Variants in SUPT16H observed in about 807,000 individuals in gnomAD.
SUPT16H encodes SPT16 homolog, facilitates chromatin remodeling subunit, also known as FACT complex subunit SPT16.
SUPT16H carries 24 observed loss-of-function variants against 136.2 expected under a neutral mutation model. The ratio of observed to expected loss-of-function variants is 0.18; its 90% CI spans 0.13 to 0.25. SUPT16H has a LOEUF of 0.25. SUPT16H is among the 10% of genes least tolerant of loss of function. The pLI is 1.00. For missense variants in SUPT16H, 623 were observed against 1,270.2 expected, an observed-to-expected ratio of 0.49 and a Z score of 7.74; for synonymous variants, 415 against 428.2, an observed-to-expected ratio of 0.97 and a Z score of 0.38.
intron 8 of SUPT16H, 64 bp from the exon 9 acceptor site, chr14:21,365,207 A>C: frequency 7.0e-7 from 1 of 1,436,756 alleles, no homozygotes; most frequent in Non-Finnish European, 9.7e-7. Flanking sequence ...CAAGCATAAC[A>C]TATTCATTTC....
chr14:21,353,081 T>C (rs1478103857), intron 25 of SUPT16H, among the ~76,000 whole-genome samples: 1 of 152,190 alleles, frequency 6.6e-6, no homozygotes, highest in Non-Finnish European at 1.5e-5. Flanking sequence ...AAAACGTTTG[T>C]TTGGGGTTTG....
At chr14:21,372,215 T>A in intron 2 of SUPT16H, 171 bp from the exon 3 acceptor site, 1 of 649,940 alleles carries the variant, frequency 1.5e-6, no homozygotes, top group Non-Finnish European at 2.5e-6. Flanking sequence ...CGGCCAAGAG[T>A]CGACAATTTA....
At chr14:21,375,498 G>A (rs1475936246) in intron 1 of SUPT16H, among the ~76,000 whole-genome samples, 1 of 59,612 alleles carries the variant, frequency 1.7e-5, no homozygotes, top group Non-Finnish European at 3.7e-5. Context: ...AGGATCTGCA[G>A]ACATTTTCTC....
At chr14:21,355,385 T>C (rs1346416274) in intron 22 of SUPT16H, among the ~76,000 whole-genome samples, 3 of 151,680 alleles carry the variant, frequency 2.0e-5, no homozygotes, top group Admixed American at 6.6e-5. Context: ...CCCAGCTACT[T>C]GGGAGGCTGA....
intron 7 of SUPT16H, 57 bp from the exon 8 acceptor site, chr14:21,366,586 ACATT>A: frequency 6.5e-7 from 1 of 1,534,840 alleles, no homozygotes; most frequent in Non-Finnish European, 8.9e-7. Context: ...AAACTCAGTA[ACATT>A]TTAAAATCAA....
intron 16 of SUPT16H, 22 bp from the exon 17 acceptor site, chr14:21,360,994 G>A (rs767339632): frequency 1.2e-6 from 2 of 1,612,036 alleles, no homozygotes; most frequent in African/African-American, 1.3e-5. Flanking sequence ...GAAAATTAAT[G>A]TGAATTGTCA....
intron 5 of SUPT16H, 56 bp downstream of exon 5, chr14:21,369,694 G>A: frequency 6.2e-7 from 1 of 1,600,476 alleles, no homozygotes; most frequent in Non-Finnish European, 8.5e-7. Flanking sequence ...GATTTGCATG[G>A]TAGACTTATT....
At chr14:21,373,550 C>T (rs1886834057) in intron 1 of SUPT16H, 120 bp from the exon 2 acceptor site, 2 of 782,030 alleles carry the variant, frequency 2.6e-6, no homozygotes, top group South Asian at 1.5e-5. Context: ...GTTTAAGGTA[C>T]ATGCCTGTTT....
chr14:21,362,013 A>T (rs534280949), intron 15 of SUPT16H, among the ~76,000 whole-genome samples, 184 bp downstream of exon 15: 57 of 152,342 alleles, frequency 3.7e-4, no homozygotes, highest in Non-Finnish European at 7.1e-4. Flanking sequence ...ATCTTCAAGA[A>T]GATTCTAAAT....
Position 21,361,109 on chromosome 14 carries a change from T to G in SUPT16H, c.1898A>C (p.Lys633Thr). Residue 633 changes from lysine to threonine, a missense_variant, in exon 16 of 26, where the codon AAA becomes ACA. Coordinates refer to ENST00000216297, the MANE Select transcript of SUPT16H (RefSeq NM_007192.4). ...CTCTTTCTCTTCAGCTTCTCGAGTT[T>G]TATAACGTTTCTGTACTTCTTTAAT... ...RIIKEVQKRY[K>T]TREAEEKEKE... The G allele has an allele frequency of 1.2e-6, 2 of 1,614,136 alleles. No individual in the cohort carries two copies. Among genetic ancestry groups the G allele is most frequent in the Non-Finnish European group, 1.7e-6 (2 of 1,180,034 alleles).
At chr14:21,369,695 T>C (rs1314600044) in intron 5 of SUPT16H, 55 bp downstream of exon 5, 2 of 1,601,730 alleles carry the variant, frequency 1.2e-6, no homozygotes, top group Non-Finnish European at 1.7e-6. Context: ...ATTTGCATGG[T>C]AGACTTATTA....
chr14:21,381,028 G>A (rs1887011342), intron 1 of SUPT16H, among the ~76,000 whole-genome samples: 1 of 151,864 alleles, frequency 6.6e-6, no homozygotes, highest in African/African-American at 2.4e-5. Flanking sequence ...CAGAGAAGGT[G>A]CTGCAAATCC....
In SUPT16H at chr14:21,354,441, A is replaced by C. The variant is rs763047483; in HGVS notation, c.2760T>G (p.Gly920=). The change falls in exon 23 of 26, where the codon GGT becomes GGG. Residue 920 remains glycine, a synonymous_variant. Coordinates refer to ENST00000216297, the MANE Select transcript of SUPT16H (RefSeq NM_007192.4). Reference sequence around the variant, plus strand: ...CCTCAGGCTCCAGGAAAGACCAGCCACCTTGTTCGAAGAAGCCCTCAGGGT... The same window carrying C: ...CCTCAGGCTCCAGGAAAGACCAGCCCCCTTGTTCGAAGAAGCCCTCAGGGT... ...VDDPEGFFEQ[G]GWSFLEPEGE... is the part of the protein sequence containing the mutation. 3 of 1,614,134 alleles carry C rather than the reference A, an allele frequency of 1.9e-6. No individual in the cohort carries two copies. Among genetic ancestry groups the C allele is most frequent in the Non-Finnish European group, 2.5e-6 (3 of 1,180,000 alleles).
rs117000943 is a variant in SUPT16H, at chr14:21,379,748, G to C, written c.66+4114C>G. Among the ~76,000 whole-genome samples the C allele has an allele frequency of 4.1e-4, 63 of 152,214 alleles. No individual in the cohort carries two copies. The East Asian group carries it at 8.7e-3, about 21-fold the overall frequency. On this transcript the variant is annotated intron_variant, in intron 1 of 25. Transcript: ENST00000216297. ...TAATAATAAAAATTGGTCAAGTGTT[G>C]TGGCATGCACCTGTGGTCCTAGCTA...
chr14:21,358,628 T>C (rs1198489669), intron 19 of SUPT16H, among the ~76,000 whole-genome samples: 1 of 152,220 alleles, frequency 6.6e-6, no homozygotes, highest in Non-Finnish European at 1.5e-5. Context: ...TGAAGTGCTT[T>C]CGTTGCCCTT....
At chr14:21,371,280 T>C (rs563366866) in intron 3 of SUPT16H, among the ~76,000 whole-genome samples, 5 of 152,262 alleles carry the variant, frequency 3.3e-5, no homozygotes, top group South Asian at 4.1e-4. Flanking sequence ...CTGCCGTAAG[T>C]TGACCAGACT....
rs777830929 is a variant in SUPT16H at position 21,360,823 on chromosome 14, G to A, written c.2056+23C>T. On this transcript the variant is annotated intron_variant, in intron 17 of 25. Transcript: ENST00000216297. ...AAATGTGCCCTGAAGAGAAAGCCTAGGTACAGGAGAGATCATCCATACCAT... is the reference window on the plus strand; with the variant it reads ...AAATGTGCCCTGAAGAGAAAGCCTAAGTACAGGAGAGATCATCCATACCAT... The A allele has an allele frequency of 3.1e-6, 5 of 1,597,264 alleles. No homozygotes were observed. In the South Asian group the frequency reaches 5.7e-5, roughly 18 times the overall value.
chr14:21,368,309 C>T lies in SUPT16H; in HGVS notation c.915G>A (p.Leu305=), dbSNP rs764466944. The T allele has an allele frequency of 6.2e-7, 1 of 1,613,836 alleles. No homozygotes were observed. ...SQEVQENYNF[L]LQLQEELLKE... is the part of the protein sequence containing the mutation. ...TCAGCAGCTCCTCTTGAAGCTGGAG[C>T]AAAAAGTTATAATTTTCTTGAACTT... The change falls in exon 7 of 26, where the codon TTG becomes TTA. Residue 305 remains leucine (L), a synonymous_variant. Coordinates refer to ENST00000216297, the MANE Select transcript of SUPT16H (RefSeq NM_007192.4).
At position 21,358,436 on chromosome 14, in the gene SUPT16H, G is replaced by T; in HGVS notation, c.2302-9C>A. Reference sequence around the variant, plus strand: ...CTCATTTCTCGTTCCATCTGTAGAAGAAAAAAATATCAAATACAGCCATCA... The same window carrying T: ...CTCATTTCTCGTTCCATCTGTAGAATAAAAAAATATCAAATACAGCCATCA... On this transcript the variant is annotated splice_polypyrimidine_tract_variant and intron_variant, in intron 19 of 25. Coordinates refer to ENST00000216297, the MANE Select transcript of SUPT16H (RefSeq NM_007192.4). The T allele has an allele frequency of 6.3e-7, 1 of 1,587,382 alleles. No individual in the cohort carries two copies. Among genetic ancestry groups the T allele is most frequent in the Non-Finnish European group, 8.6e-7 (1 of 1,160,280 alleles).
Sources: allele counts gnomAD v4.1 joint callset (sites outside exome capture counted in the v4.1 genomes callset), GRCh38; gene constraint gnomAD v4.1.1; transcripts MANE v1.5; gene names NCBI Gene and HGNC (gene_info 2026-07-23, HGNC 2026-07-21).